Variants in DMXL1 observed in about 807,000 individuals in gnomAD.
DMXL1 encodes the protein dmX-like protein 1.
Under a neutral mutation model 319.2 loss-of-function variants are expected in DMXL1, and 99 were observed. The ratio of observed to expected loss-of-function variants is 0.31; its 90% CI spans 0.26 to 0.37. The LOEUF (loss-of-function observed/expected upper bound fraction) is 0.37, where lower values mean the gene tolerates loss of function less well. DMXL1 is among the 10% of genes least tolerant of loss of function. DMXL1 has a pLI of 1.00. For synonymous variants in DMXL1, 1,385 were observed against 1,235.2 expected (o/e 1.12, Z -2.54); for missense variants, 3,745 against 3,595.6 (o/e 1.04, Z -1.06).
rs72784096 is a variant in DMXL1 at position 119,196,299 on chromosome 5, A to G, written c.7458-72A>G. The G allele has an allele frequency of 7.5e-3, 8,542 of 1,144,984 alleles. 48 individuals carry two copies. Among genetic ancestry groups the G allele is most frequent in the Non-Finnish European group, 0.01 (7,614 of 754,830 alleles). The allele number at this position is 1,144,984 out of a possible 1,614,324, so 70.9% of individuals were successfully genotyped here. ...TGATTCCTGATAGTGGAATTTGTTG[A>G]GTCAAAGGGTAGTATACTCTTCTAA... On this transcript the variant is annotated intron_variant, in intron 30 of 43. Coordinates refer to ENST00000539542, the MANE Select transcript of DMXL1 (RefSeq NM_001290321.3).
At chr5:119,162,744 T>C in intron 19 of DMXL1, among the ~76,000 whole-genome samples, 1 of 152,350 alleles carries the variant, frequency 6.6e-6, no homozygotes, top group Non-Finnish European at 1.5e-5. Context: ...TCAGATTCTT[T>C]AATTATTTAT....
chr5:119,072,824 A>G (rs183416771), intron 1 of DMXL1, among the ~76,000 whole-genome samples: 28 of 152,230 alleles, frequency 1.8e-4, no homozygotes, highest in African/African-American at 3.6e-4. Flanking sequence ...CGGGATTCCA[A>G]TTCTAAATGT....
chr5:119,122,237 G>A (rs1172045686), intron 9 of DMXL1, among the ~76,000 whole-genome samples: 5 of 138,056 alleles, frequency 3.6e-5, no homozygotes, highest in African/African-American at 1.4e-4. Context: ...CTCACCTCCC[G>A]GACGGGGCGG....
intron 37 of DMXL1, among the ~76,000 whole-genome samples, chr5:119,221,467 T>A (rs965845733): frequency 6.6e-6 from 1 of 152,174 alleles, no homozygotes; most frequent in African/African-American, 2.4e-5. Context: ...TTTTCAATAG[T>A]TGAAAAAACA....
chr5:119,180,406 C>G (rs1561812410), intron 28 of DMXL1, among the ~76,000 whole-genome samples: 1 of 152,006 alleles, frequency 6.6e-6, no homozygotes, highest in African/African-American at 2.4e-5. Context: ...CTCCAGAAAC[C>G]TGATACCATC....
At chr5:119,136,031 C>T (rs938689977) in intron 13 of DMXL1, among the ~76,000 whole-genome samples, 4 of 152,194 alleles carry the variant, frequency 2.6e-5, no homozygotes, top group Admixed American at 1.3e-4. Flanking sequence ...TTCCTAGAGA[C>T]TTGTTGAATG....
At chr5:119,218,710 C>T (rs1464169804) in intron 35 of DMXL1, among the ~76,000 whole-genome samples, 1 of 152,184 alleles carries the variant, frequency 6.6e-6, no homozygotes. Context: ...CCGCCTGCCT[C>T]GGCCTCCCAA....
intron 40 of DMXL1, 75 bp from the exon 41 acceptor site, chr5:119,238,914 T>G: frequency 1.3e-6 from 2 of 1,569,696 alleles, no homozygotes; most frequent in Middle Eastern, 1.7e-4. Flanking sequence ...CATGATCACT[T>G]TTCGAAGAAT....
At chr5:119,168,191 G>C (rs1487986405) in intron 23 of DMXL1, among the ~76,000 whole-genome samples, 1 of 152,162 alleles carries the variant, frequency 6.6e-6, no homozygotes, top group Non-Finnish European at 1.5e-5. Flanking sequence ...TTGTCAATCA[G>C]TTTTAGAATT....
At chr5:119,086,962 A>G in intron 1 of DMXL1, among the ~76,000 whole-genome samples, 1 of 151,380 alleles carries the variant, frequency 6.6e-6, no homozygotes, top group East Asian at 1.9e-4. Context: ...TTATCCACTC[A>G]CTTCTGGATT....
intron 18 of DMXL1, 31 bp downstream of exon 18, chr5:119,150,452 T>C (rs746308902): frequency 6.5e-7 from 1 of 1,548,224 alleles, no homozygotes; most frequent in Non-Finnish European, 8.7e-7. Flanking sequence ...GATAACATTT[T>C]TACTTACTTT....
chr5:119,202,913 A>ATATATATATATATATATTTATATT (rs1781082031), intron 32 of DMXL1, among the ~76,000 whole-genome samples: 1 of 145,092 alleles, frequency 6.9e-6, no homozygotes. Context: ...ATATTTATAT[A>ATATATATATATATATATTTATATT]TTTTTATATA....
In DMXL1 at chr5:119,196,470, C is replaced by T. The variant is rs779327107; in HGVS notation, c.7543+14C>T. ...ATGATCTTGCAGGTAATAAATAGCT[C>T]AACATGAGCTAATGGTGCCATTGCT... On this transcript the variant is annotated intron_variant, in intron 31 of 43. Transcript: ENST00000539542. 1.6e-5 allele frequency: 23 copies of T among 1,423,848 alleles called. No individual in the cohort carries two copies. Among genetic ancestry groups the T allele is most frequent in the African/African-American group, 2.9e-5 (2 of 70,032 alleles). The allele number at this position is 1,423,848 out of a possible 1,614,324, so 88.2% of individuals were successfully genotyped here.
chr5:119,194,451 T>C (rs1309521976), intron 30 of DMXL1, among the ~76,000 whole-genome samples: 1 of 152,246 alleles, frequency 6.6e-6, no homozygotes, highest in African/African-American at 2.4e-5. Flanking sequence ...CTAGCTCCAA[T>C]ACTGCGTTAT....
intron 1 of DMXL1, among the ~76,000 whole-genome samples, chr5:119,086,846 T>C (rs1028596891): frequency 2.4e-4 from 36 of 152,278 alleles, no homozygotes; most frequent in Admixed American, 2.0e-3. Context: ...TTTTCTTTGA[T>C]AAGATACTTT....
chr5:119,109,170 G>A (rs918869879), intron 4 of DMXL1, among the ~76,000 whole-genome samples: 5 of 152,084 alleles, frequency 3.3e-5, no homozygotes, highest in African/African-American at 7.2e-5. Flanking sequence ...ACACACTTAT[G>A]GTTTCCCTGA....
intron 19 of DMXL1, 115 bp from the exon 20 acceptor site, chr5:119,164,392 C>G: frequency 1.1e-6 from 1 of 919,282 alleles, no homozygotes; most frequent in Non-Finnish European, 1.6e-6. Context: ...CAATCTTAAA[C>G]TGTGAGTCTC....
At chr5:119,160,585 G>A (rs1772066323) in intron 19 of DMXL1, among the ~76,000 whole-genome samples, 1 of 152,088 alleles carries the variant, frequency 6.6e-6, no homozygotes, top group African/African-American at 2.4e-5. Flanking sequence ...CTGTCTGGAT[G>A]GTCTGTCCTT....
chr5:119,194,967 AAGC>A (rs1026392638), intron 30 of DMXL1, among the ~76,000 whole-genome samples: 10 of 152,300 alleles, frequency 6.6e-5, no homozygotes, highest in Non-Finnish European at 1.5e-4. Flanking sequence ...AATAGCCAAT[AAGC>A]ATATGAAAAG....
Sources: gnomAD v4.1 joint callset for allele counts (sites outside exome capture counted in the v4.1 genomes callset) on GRCh38, gnomAD v4.1.1 for gene constraint, MANE v1.5 for transcripts, NCBI Gene and HGNC (gene_info 2026-07-23, HGNC 2026-07-21) for gene names.